The following ODAD2 variants were observed in gnomAD, a reference collection of about 807,000 sequenced individuals.
ODAD2 encodes the protein outer dynein arm docking complex subunit 2, also known as outer dynein arm-docking complex subunit 2.
In ODAD2, 89 loss-of-function variants were observed where a neutral mutation model predicts 106.8. The observed-to-expected ratio is 0.83, with a 90% CI of 0.70 to 0.99. The LOEUF (loss-of-function observed/expected upper bound fraction) is 0.99, where lower values mean the gene tolerates loss of function less well. ODAD2 is among the 50% of genes least tolerant of loss of function. The probability of loss-of-function intolerance (pLI) is 0.00; values close to 1 mark genes in which losing one functional copy is unlikely to be tolerated. For missense variants in ODAD2, 1,168 were observed against 1,238.5 expected (o/e 0.94, Z 0.85); for synonymous variants, 404 against 436.2 (o/e 0.93, Z 0.92).
At chr10:27,878,557 T>C (rs1170246554) in intron 17 of ODAD2, among the ~76,000 whole-genome samples, 2 of 152,040 alleles carry the variant, frequency 1.3e-5, no homozygotes, top group Admixed American at 6.6e-5. Flanking sequence ...AGAAGAGCTA[T>C]AAAAACACCA....
rs1047698190 is a variant in ODAD2 at position 27,880,395 on chromosome 10, A to G, written c.2611-17773T>C. On this transcript the variant is annotated intron_variant, in intron 17 of 19. Transcript: ENST00000305242. ...CTAAAAAAATTCCTTTGGGAGGCAGAAAATGTAGTTTTCAAGACAGTGGTT... is the reference window on the plus strand; with the variant it reads ...CTAAAAAAATTCCTTTGGGAGGCAGGAAATGTAGTTTTCAAGACAGTGGTT... Among the ~76,000 whole-genome samples, 4 of 152,216 alleles carry G rather than the reference A, an allele frequency of 2.6e-5. 1 individual carries two copies. The highest frequency in any genetic ancestry group is 3.8e-4 in the East Asian group (2 of 5,196).
intron 19 of ODAD2, among the ~76,000 whole-genome samples, chr10:27,826,949 G>A (rs1226803209): frequency 6.6e-6 from 1 of 151,706 alleles, no homozygotes; most frequent in Non-Finnish European, 1.5e-5. Flanking sequence ...ACTTTTCCAA[G>A]GGTGACCTCC....
intron 17 of ODAD2, among the ~76,000 whole-genome samples, chr10:27,879,158 A>G (rs1267128904): frequency 6.6e-6 from 1 of 152,114 alleles, no homozygotes; most frequent in African/African-American, 2.4e-5. Flanking sequence ...AATATCACAG[A>G]TAAGTGTGAT....
intron 16 of ODAD2, among the ~76,000 whole-genome samples, chr10:27,920,062 A>G (rs1269496816): frequency 6.6e-6 from 1 of 151,558 alleles, no homozygotes; most frequent in Non-Finnish European, 1.5e-5. Context: ...AAATTATGAA[A>G]AAGAAGCAAG....
chr10:27,940,035 T>A, intron 13 of ODAD2, 28 bp from the exon 14 acceptor site: 1 of 1,483,718 alleles, frequency 6.7e-7, no homozygotes, highest in Non-Finnish European at 9.3e-7. Flanking sequence ...CATATTTATG[T>A]GTTCAAGACG....
At chr10:27,936,630 C>T (rs1257557716) in intron 15 of ODAD2, 96 bp downstream of exon 15, 2 of 1,317,114 alleles carry the variant, frequency 1.5e-6, no homozygotes, top group South Asian at 1.2e-5. Context: ...CTACAACTAA[C>T]ATTAGAATTG....
Position 27,812,233 on chromosome 10 carries a change from A to G in ODAD2, c.*279T>C, listed in dbSNP as rs935671237. The G allele has an allele frequency of 8.0e-5, 29 of 364,144 alleles. No individual in the cohort carries two copies. The highest frequency in any genetic ancestry group is 6.3e-4 in the African/African-American group (29 of 46,008). The allele number at this position is 364,144 out of a possible 1,614,324, so 22.6% of individuals were successfully genotyped here. On this transcript the variant is annotated 3_prime_UTR_variant, in exon 20 of 20. Transcript: ENST00000305242. ...ACAAAAGCATCACTGAACTAAAAATACATCATATACGTATATTCTCATATT... is the reference window on the plus strand; with the variant it reads ...ACAAAAGCATCACTGAACTAAAAATGCATCATATACGTATATTCTCATATT...
At chr10:27,873,708 G>A (rs1841090713) in intron 17 of ODAD2, among the ~76,000 whole-genome samples, 1 of 152,216 alleles carries the variant, frequency 6.6e-6, no homozygotes. Flanking sequence ...TGATTGCACT[G>A]TGGTCTGAGA....
chr10:27,973,007 TA>T (rs1848956636), intron 7 of ODAD2, among the ~76,000 whole-genome samples: 1 of 152,072 alleles, frequency 6.6e-6, no homozygotes, highest in Non-Finnish European at 1.5e-5. Flanking sequence ...TACTGGGCCA[TA>T]AAATGAACAT....
At chr10:27,836,566 T>C (rs1255217560) in intron 19 of ODAD2, among the ~76,000 whole-genome samples, 5 of 152,172 alleles carry the variant, frequency 3.3e-5, no homozygotes, top group Non-Finnish European at 7.4e-5. Context: ...CTATATCCTA[T>C]AAAAAGTACA....
chr10:27,885,575 T>C (rs1427839621), intron 17 of ODAD2, among the ~76,000 whole-genome samples: 1 of 40,118 alleles, frequency 2.5e-5, no homozygotes, highest in Non-Finnish European at 4.7e-5. Flanking sequence ...TATATATATA[T>C]ATAAATATAT....
intron 1 of ODAD2, among the ~76,000 whole-genome samples, chr10:27,998,137 G>A (rs1318052950): frequency 1.3e-5 from 2 of 152,202 alleles, no homozygotes; most frequent in Admixed American, 6.5e-5. Context: ...AGGGGGCTAC[G>A]GAAAGGCAGC....
intron 17 of ODAD2, among the ~76,000 whole-genome samples, chr10:27,877,404 A>C (rs1841413387): frequency 6.6e-6 from 1 of 152,214 alleles, no homozygotes; most frequent in Non-Finnish European, 1.5e-5. Context: ...TCATGGGCAC[A>C]GTTCAACAGG....
chr10:27,996,849 G>C (rs1377904541), intron 1 of ODAD2, among the ~76,000 whole-genome samples: 4 of 152,204 alleles, frequency 2.6e-5, no homozygotes, highest in African/African-American at 9.6e-5. Flanking sequence ...GTCATTCTGT[G>C]TAAGGCTGGA....
chr10:27,847,454 C>A (rs1838864735), intron 19 of ODAD2, among the ~76,000 whole-genome samples: 2 of 152,176 alleles, frequency 1.3e-5, no homozygotes, highest in African/African-American at 4.8e-5. Flanking sequence ...ATGACATACC[C>A]ACAGCCAATA....
intron 17 of ODAD2, among the ~76,000 whole-genome samples, chr10:27,880,381 C>T (rs1267222752): frequency 1.3e-5 from 2 of 152,088 alleles, no homozygotes; most frequent in Non-Finnish European, 2.9e-5. Flanking sequence ...TAAAAAAATT[C>T]CTTTGGGAGG....
At chr10:27,832,522 CACACACACACACAG>C (rs1324899252) in intron 19 of ODAD2, among the ~76,000 whole-genome samples, 1 of 151,592 alleles carries the variant, frequency 6.6e-6, no homozygotes, top group African/African-American at 2.4e-5. Context: ...CCATGTTGTT[CACACACACACACAG>C]ACACACACAC....
intron 16 of ODAD2, among the ~76,000 whole-genome samples, chr10:27,910,357 C>T (rs1466679326): frequency 6.6e-6 from 1 of 152,068 alleles, no homozygotes; most frequent in African/African-American, 2.4e-5. Flanking sequence ...TGGTATTAAA[C>T]CTGCAATTCC....
rs367805042 is a variant in ODAD2 at position 27,860,622 on chromosome 10, T to C, written c.3021+3A>G. 6.8e-6 allele frequency: 11 copies of C among 1,613,412 alleles called. No homozygotes were observed. Among genetic ancestry groups the C allele is most frequent in the Non-Finnish European group, 9.3e-6 (11 of 1,179,746 alleles). Reference sequence around the variant, plus strand: ...ACTAAACCACAAAGTCATTCAACTGTACCTTTACTGCACCATTCTCATGCA... The same window carrying C: ...ACTAAACCACAAAGTCATTCAACTGCACCTTTACTGCACCATTCTCATGCA... On this transcript the variant is annotated splice_donor_region_variant and intron_variant, in intron 19 of 19. Coordinates refer to ENST00000305242, the MANE Select transcript of ODAD2 (RefSeq NM_018076.5).
Sources: gnomAD v4.1 joint callset for allele counts (sites outside exome capture counted in the v4.1 genomes callset) on GRCh38, gnomAD v4.1.1 for gene constraint, MANE v1.5 for transcripts, NCBI Gene and HGNC (gene_info 2026-07-23, HGNC 2026-07-21) for gene names.